EPB41L4A: variants seen among roughly 807,000 people sequenced by gnomAD.
EPB41L4A encodes erythrocyte membrane protein band 4.1 like 4A.
EPB41L4A carries 100 observed loss-of-function variants against 108.6 expected under a neutral mutation model. That is an observed-to-expected ratio of 0.92 (90% CI 0.78 to 1.09). The LOEUF (loss-of-function observed/expected upper bound fraction) is 1.09, where lower values mean the gene tolerates loss of function less well. EPB41L4A is among the 50% of genes least tolerant of loss of function. The pLI is 0.00. For missense variants in EPB41L4A, 1,030 were observed against 842.7 expected, an observed-to-expected ratio of 1.22 and a Z score of -2.75; for synonymous variants, 319 against 289.0, an observed-to-expected ratio of 1.10 and a Z score of -1.05.
intron 1 of EPB41L4A, among the ~76,000 whole-genome samples, chr5:112,362,070 T>A (rs1379023869): frequency 6.6e-6 from 1 of 152,124 alleles, no homozygotes; most frequent in Non-Finnish European, 1.5e-5. Flanking sequence ...AGGATCCCAT[T>A]TTAAGTATGT....
At chr5:112,404,353 CT>C (rs1761957651) in intron 1 of EPB41L4A, among the ~76,000 whole-genome samples, 1 of 152,194 alleles carries the variant, frequency 6.6e-6, no homozygotes, top group African/African-American at 2.4e-5. Flanking sequence ...GATGACAAAA[CT>C]CAGGCACAGA....
chr5:112,239,499 GT>G (rs1182245586), intron 11 of EPB41L4A, 160 bp downstream of exon 11: 6 of 437,948 alleles, frequency 1.4e-5, no homozygotes, highest in Non-Finnish European at 2.4e-5. Context: ...GGAAAATCAT[GT>G]TTGTTGAGAA....
chr5:112,326,442 C>A (rs1438965955), intron 1 of EPB41L4A, among the ~76,000 whole-genome samples: 1 of 151,986 alleles, frequency 6.6e-6, no homozygotes, highest in Non-Finnish European at 1.5e-5. Context: ...GAATTATGGG[C>A]TAAGCAGTAA....
Position 112,279,630 on chromosome 5 carries a change from T to A in EPB41L4A, c.256+642A>T, listed in dbSNP as rs529394690. ...TTTCAATTGAAACAGACAATTTTTT[T>A]AAAAAGAGTATTTTTTGCGCACTTA... On this transcript the variant is annotated intron_variant, in intron 3 of 22. Coordinates refer to ENST00000261486, the MANE Select transcript of EPB41L4A (RefSeq NM_022140.5). Among the ~76,000 whole-genome samples, 19 of 152,304 alleles carry A rather than the reference T, an allele frequency of 1.2e-4. No homozygotes were observed. The East Asian group carries it at 2.7e-3, about 22-fold the overall frequency.
At chr5:112,356,563 TCTG>T (rs1345410752) in intron 1 of EPB41L4A, among the ~76,000 whole-genome samples, 1 of 152,208 alleles carries the variant, frequency 6.6e-6, no homozygotes, top group Non-Finnish European at 1.5e-5. Context: ...TAAGAAAACA[TCTG>T]CTTTTATTTC....
intron 9 of EPB41L4A, chr5:112,257,331 C>A (rs747343385): frequency 6.6e-6 from 1 of 151,992 alleles, no homozygotes; most frequent in African/African-American, 2.4e-5. Flanking sequence ...ATATGACCTG[C>A]TTTGTCACCT....
intron 1 of EPB41L4A, among the ~76,000 whole-genome samples, chr5:112,322,890 G>A (rs1755897182): frequency 6.6e-6 from 1 of 151,940 alleles, no homozygotes; most frequent in African/African-American, 2.4e-5. Flanking sequence ...GAGAGACCAA[G>A]ATGAATAACC....
chr5:112,177,499 T>G (rs945995881), intron 18 of EPB41L4A, among the ~76,000 whole-genome samples: 2 of 152,192 alleles, frequency 1.3e-5, no homozygotes, highest in African/African-American at 4.8e-5. Context: ...GGTCATATAT[T>G]CACACATTAT....
At chr5:112,336,509 A>T (rs1439853867) in intron 1 of EPB41L4A, among the ~76,000 whole-genome samples, 1 of 152,186 alleles carries the variant, frequency 6.6e-6, no homozygotes, top group African/African-American at 2.4e-5. Flanking sequence ...CCCTGTACAC[A>T]TTATACTGTG....
At chr5:112,288,346 G>T (rs1753418097) in intron 2 of EPB41L4A, among the ~76,000 whole-genome samples, 1 of 152,138 alleles carries the variant, frequency 6.6e-6, no homozygotes, top group Non-Finnish European at 1.5e-5. Flanking sequence ...ATACCAGCTT[G>T]GGCTGAAAGG....
intron 1 of EPB41L4A, among the ~76,000 whole-genome samples, chr5:112,346,560 G>T (rs1363124317): frequency 6.6e-6 from 1 of 152,004 alleles, no homozygotes; most frequent in South Asian, 2.1e-4. Context: ...AAAAGTGAAA[G>T]AACTAATAAA....
chr5:112,189,964 T>G (rs968062921), intron 17 of EPB41L4A, among the ~76,000 whole-genome samples: 6 of 152,156 alleles, frequency 3.9e-5, no homozygotes, highest in African/African-American at 1.4e-4. Flanking sequence ...GAGGTCCTCC[T>G]TCATCCTACA....
chr5:112,275,654 A>C (rs1290728348), intron 3 of EPB41L4A, among the ~76,000 whole-genome samples: 1 of 152,182 alleles, frequency 6.6e-6, no homozygotes, highest in Non-Finnish European at 1.5e-5. Flanking sequence ...GGTTATGGAC[A>C]ATTTTTATTA....
intron 12 of EPB41L4A, among the ~76,000 whole-genome samples, chr5:112,230,870 C>T (rs2150357646): frequency 6.6e-6 from 1 of 152,166 alleles, no homozygotes; most frequent in Admixed American, 6.5e-5. Flanking sequence ...TTGCAGTGAA[C>T]CAAGATTGGA....
At chr5:112,194,447 G>C in intron 17 of EPB41L4A, 121 bp downstream of exon 17, 1 of 570,668 alleles carries the variant, frequency 1.8e-6, no homozygotes, top group Non-Finnish European at 3.0e-6. Flanking sequence ...CTTCAAAATA[G>C]TGCCAGATTG....
At chr5:112,268,437 T>C (rs1421693812) in intron 4 of EPB41L4A, among the ~76,000 whole-genome samples, 1 of 152,166 alleles carries the variant, frequency 6.6e-6, no homozygotes, top group African/African-American at 2.4e-5. Flanking sequence ...GAATTATCAC[T>C]GCTTGCTGCT....
chr5:112,324,550 C>G (rs1756013630), intron 1 of EPB41L4A, among the ~76,000 whole-genome samples: 1 of 151,846 alleles, frequency 6.6e-6, no homozygotes, highest in South Asian at 2.1e-4. Flanking sequence ...TGGTGAAACC[C>G]CATCTCTACT....
At chr5:112,326,090 G>C (rs1414059436) in intron 1 of EPB41L4A, among the ~76,000 whole-genome samples, 1 of 152,100 alleles carries the variant, frequency 6.6e-6, no homozygotes, top group African/African-American at 2.4e-5. Flanking sequence ...TTCAAGGCTA[G>C]AGTAAGCTAT....
intron 17 of EPB41L4A, among the ~76,000 whole-genome samples, chr5:112,191,675 TA>T (rs201139640): frequency 0.012 from 1,619 of 138,536 alleles, 11 homozygotes; most frequent in African/African-American, 0.022. Flanking sequence ...CATTTATGTT[TA>T]AAAAAAAAAA....
Sources: gnomAD v4.1 joint callset for allele counts (sites outside exome capture counted in the v4.1 genomes callset) on GRCh38, gnomAD v4.1.1 for gene constraint, MANE v1.5 for transcripts, NCBI Gene and HGNC (gene_info 2026-07-23, HGNC 2026-07-21) for gene names.